Variants in GIMAP2 observed in about 807,000 individuals in gnomAD.
GIMAP2 encodes GTPase IMAP family member 2.
A neutral mutation model predicts 25.5 loss-of-function variants in GIMAP2; 22 were observed. The observed-to-expected ratio is 0.86, with a 90% CI of 0.62 to 1.23. GIMAP2 has a LOEUF of 1.23. Among genes scored for constraint, GIMAP2 ranks in the 50% most tolerant of loss-of-function variants. The probability of loss-of-function intolerance (pLI) is 0.00; values close to 1 mark genes in which losing one functional copy is unlikely to be tolerated. For synonymous variants in GIMAP2, 167 were observed against 143.0 expected, an observed-to-expected ratio of 1.17 and a Z score of -1.20; for missense variants, 422 against 395.7, an observed-to-expected ratio of 1.07 and a Z score of -0.56.
intron 2 of GIMAP2, among the ~76,000 whole-genome samples, chr7:150,690,988 A>G (rs2116505920): frequency 6.6e-6 from 1 of 152,332 alleles, no homozygotes; most frequent in East Asian, 1.9e-4. Flanking sequence ...TCTCTGCAAC[A>G]TGAGAGTAAG....
rs182048767 is a variant in GIMAP2, at chr7:150,686,435, G to A, written c.-8-617G>A. On this transcript the variant is annotated intron_variant, in intron 1 of 2. Coordinates refer to ENST00000223293, the MANE Select transcript of GIMAP2 (RefSeq NM_015660.3). ...CAGAGAAAGCTGACAGAAGCGAAGAGTGTGCAGGCAAAACAAAAACAGAAG... is the reference window on the plus strand; with the variant it reads ...CAGAGAAAGCTGACAGAAGCGAAGAATGTGCAGGCAAAACAAAAACAGAAG... Among the ~76,000 whole-genome samples, 459 of 152,276 alleles carry A rather than the reference G, an allele frequency of 3.0e-3. 2 individuals carry two copies. The highest frequency in any genetic ancestry group is 0.011 in the African/African-American group (452 of 41,542).
At position 150,693,281 on chromosome 7, in the gene GIMAP2, G is replaced by A. The variant is rs555342615; in HGVS notation, c.995G>A (p.Arg332His). The change falls in exon 3 of 3, where the codon CGC becomes CAC. Residue 332 changes from arginine (R) to histidine (H), a missense_variant. Physicochemically the swap from Arg to His is conservative, Grantham distance 29. Transcript: ENST00000223293. The part of the protein sequence containing the change: ...IFLRTVIRLE[R>H]KTPRL ...TTGAGAACAGTTATTAGACTAGAAC[G>A]CAAGACTCCTAGGTTATAGTTACAG... is the stretch of plus-strand genomic sequence containing the variant. 108 of 1,575,330 alleles carry A rather than the reference G, an allele frequency of 6.9e-5. No homozygotes were observed. In the Middle Eastern group the frequency reaches 1.1e-3, roughly 17 times the overall value.
Position 150,693,180 on chromosome 7 carries a change from T to G in GIMAP2, c.894T>G (p.Phe298Leu). 1 of 1,613,432 alleles carries G rather than the reference T, an allele frequency of 6.2e-7. No homozygotes were observed. The highest frequency in any genetic ancestry group is 8.5e-7 in the Non-Finnish European group (1 of 1,179,590). Reference protein sequence around the residue: ...LCILHSMCNLFCCLLFSMCNL... With the variant: ...LCILHSMCNLLCCLLFSMCNL... ...TACTGCACAGCATGTGCAATTTGTT[T>G]TGTTGCTTACTCTTTAGTATGTGCA... The change falls in exon 3 of 3, where the codon TTT (phenylalanine) becomes TTG (leucine). Residue 298 changes from phenylalanine to leucine, a missense_variant. Physicochemically the swap from Phe to Leu is conservative, Grantham distance 22 (BLOSUM62 0). Transcript: ENST00000223293.
chr7:150,692,330 G>A lies in GIMAP2; in HGVS notation c.44G>A (p.Gly15Asp), dbSNP rs1240377423. ...EHSHWGPHAK[G>D]QCASRSELRI... is the part of the protein sequence containing the mutation. ...CTCCTCACAGGACCACATGCAAAGG[G>A]CCAATGTGCCAGCAGATCTGAGCTG... is the stretch of plus-strand genomic sequence containing the variant. The change falls in exon 3 of 3, where the codon GGC (glycine) becomes GAC (aspartate). Residue 15 changes from glycine (G) to aspartate (D), a missense_variant. By Grantham distance (94) the Gly-to-Asp change is moderately conservative (BLOSUM62 -1). Transcript: ENST00000223293. 4.3e-6 allele frequency: 7 copies of A among 1,613,646 alleles called. No individual in the cohort carries two copies. Among genetic ancestry groups the A allele is most frequent in the South Asian group, 1.1e-5 (1 of 91,068 alleles).
chr7:150,688,880 C>T (rs1013690390), intron 2 of GIMAP2, among the ~76,000 whole-genome samples: 16 of 152,258 alleles, frequency 1.1e-4, no homozygotes, highest in African/African-American at 3.9e-4. Flanking sequence ...TGCGCCCTCT[C>T]TGGCAGAATT....
chr7:150,689,549 C>T (rs1270388162), intron 2 of GIMAP2: 1 of 702,932 alleles, frequency 1.4e-6, no homozygotes, highest in Admixed American at 2.0e-5. Flanking sequence ...CGCGGTGTAT[C>T]AGGAGCTGCT....
Position 150,687,039 on chromosome 7 carries a change from C to G in GIMAP2, c.-8-13C>G, listed in dbSNP as rs1217446367. 1 of 1,589,524 alleles carries G rather than the reference C, an allele frequency of 6.3e-7. No homozygotes were observed. The highest frequency in any genetic ancestry group is 1.1e-5 in the South Asian group (1 of 90,556). Reference sequence around the variant, plus strand: ...GAACTGAAAAATAAGTTTCTTGTCTCTCTGTTTCTCAGGAACACCAATGGA... The same window carrying G: ...GAACTGAAAAATAAGTTTCTTGTCTGTCTGTTTCTCAGGAACACCAATGGA... On this transcript the variant is annotated splice_polypyrimidine_tract_variant and intron_variant, in intron 1 of 2. Coordinates refer to ENST00000223293, the MANE Select transcript of GIMAP2 (RefSeq NM_015660.3).
chr7:150,686,339 G>A (rs766886807), intron 1 of GIMAP2, among the ~76,000 whole-genome samples: 7 of 152,174 alleles, frequency 4.6e-5, no homozygotes, highest in Non-Finnish European at 8.8e-5. Context: ...GAGGAGGGAA[G>A]GAGGCAAGGT....
intron 2 of GIMAP2, among the ~76,000 whole-genome samples, chr7:150,690,028 G>C (rs1796947757): frequency 1.3e-5 from 2 of 152,178 alleles, no homozygotes; most frequent in Non-Finnish European, 2.9e-5. Flanking sequence ...TAGGAACTTT[G>C]CTTATGGTTG....
At chr7:150,687,717 TTGTGTG>T (rs145943318) in intron 2 of GIMAP2, among the ~76,000 whole-genome samples, 12 of 150,048 alleles carry the variant, frequency 8.0e-5, no homozygotes, top group African/African-American at 2.5e-4. Context: ...CATAGGTTCT[TTGTGTG>T]TGTGTGTGTG....
At chr7:150,688,320 A>G (rs1338024617) in intron 2 of GIMAP2, among the ~76,000 whole-genome samples, 1 of 152,042 alleles carries the variant, frequency 6.6e-6, no homozygotes, top group Non-Finnish European at 1.5e-5. Context: ...TAGTAGAGAC[A>G]GGGTTTCACC....
Position 150,692,727 on chromosome 7 carries a change from C to A in GIMAP2, c.441C>A (p.His147Gln). 6.2e-7 allele frequency: 1 copy of A among 1,614,172 alleles called. No individual in the cohort carries two copies. ...AMGHTIVLFT[H>Q]KEDLNGGSLM... is the part of the protein sequence containing the mutation. ...GACACACAATTGTCCTCTTTACCCA[C>A]AAGGAAGACCTCAATGGTGGCTCCC... Residue 147 changes from histidine to glutamine, a missense_variant, in exon 3 of 3, where the codon CAC becomes CAA. Physicochemically the swap from His to Gln is conservative, Grantham distance 24. Coordinates refer to ENST00000223293, the MANE Select transcript of GIMAP2 (RefSeq NM_015660.3).
At chr7:150,689,756 C>T in intron 2 of GIMAP2, 1 of 521,900 alleles carries the variant, frequency 1.9e-6, no homozygotes, top group Non-Finnish European at 3.4e-6. Flanking sequence ...GGCGTAGCAG[C>T]ATGGCAAAGC....
At chr7:150,686,729 A>T (rs1796903790) in intron 1 of GIMAP2, among the ~76,000 whole-genome samples, 1 of 152,016 alleles carries the variant, frequency 6.6e-6, no homozygotes, top group Non-Finnish European at 1.5e-5. Flanking sequence ...GGATCATTTG[A>T]GGTCAGGAGT....
chr7:150,691,652 AG>A (rs1186022726), intron 2 of GIMAP2, among the ~76,000 whole-genome samples: 1 of 152,208 alleles, frequency 6.6e-6, no homozygotes, highest in African/African-American at 2.4e-5. Flanking sequence ...CTTGAAACAG[AG>A]CCAGGTCACT....
chr7:150,690,533 G>A (rs538979600), intron 2 of GIMAP2, among the ~76,000 whole-genome samples: 1 of 152,268 alleles, frequency 6.6e-6, no homozygotes, highest in Admixed American at 6.5e-5. Context: ...ACTTGGAACA[G>A]ATCCTGGCAC....
At chr7:150,691,719 A>G (rs1416378396) in intron 2 of GIMAP2, among the ~76,000 whole-genome samples, 2 of 152,160 alleles carry the variant, frequency 1.3e-5, no homozygotes, top group Non-Finnish European at 2.9e-5. Context: ...GATCTCCAGA[A>G]AACTTTTCTT....
chr7:150,686,770 C>G (rs1338572016), intron 1 of GIMAP2, among the ~76,000 whole-genome samples: 2 of 151,402 alleles, frequency 1.3e-5, no homozygotes, highest in South Asian at 2.1e-4. Context: ...ATGGTGAAAC[C>G]CTGTCTCTAC....
At chr7:150,687,320 C>T (rs533680670) in intron 2 of GIMAP2, 41 of 418,344 alleles carry the variant, frequency 9.8e-5, no homozygotes, top group Admixed American at 5.6e-4. Context: ...TCACCCAGGC[C>T]GGAGTGCAGT....
Sources: allele counts gnomAD v4.1 joint callset (sites outside exome capture counted in the v4.1 genomes callset), GRCh38; gene constraint gnomAD v4.1.1; transcripts MANE v1.5; gene names NCBI Gene and HGNC (gene_info 2026-07-23, HGNC 2026-07-21).